Variants in MFAP5 observed in about 807,000 individuals in gnomAD.
The protein encoded by MFAP5 is microfibril associated protein 5, also known as microfibrillar-associated protein 5.
A neutral mutation model predicts 30.1 loss-of-function variants in MFAP5; 19 were observed. That is an observed-to-expected ratio of 0.63 (90% CI 0.44 to 0.93). The LOEUF is 0.93. Among genes scored for constraint, MFAP5 ranks in the 40% least tolerant of loss-of-function variants. The pLI, the probability that MFAP5 is intolerant of heterozygous loss-of-function variation, is 0.00. For synonymous variants in MFAP5, 92 were observed against 72.9 expected (o/e 1.26, Z -1.33); for missense variants, 210 against 221.3 (o/e 0.95, Z 0.32).
chr12:8,656,649 C>CACATAT (rs1265607160), intron 3 of MFAP5, among the ~76,000 whole-genome samples: 57 of 109,064 alleles, frequency 5.2e-4, no homozygotes, highest in African/African-American at 2.5e-4. Flanking sequence ...CACACACACA[C>CACATAT]ATATATATAT....
intron 9 of MFAP5, 142 bp downstream of exon 9, chr12:8,649,359 A>G: frequency 1.5e-6 from 1 of 672,548 alleles, no homozygotes. Flanking sequence ...ATTTGAGATA[A>G]CTTCCAGCAG....
chr12:8,649,162 A>G (rs1941762727), intron 9 of MFAP5, among the ~76,000 whole-genome samples: 2 of 152,184 alleles, frequency 1.3e-5, no homozygotes, highest in Non-Finnish European at 2.9e-5. Flanking sequence ...AGAGTCTATT[A>G]TCTGTAATGG....
intron 1 of MFAP5, chr12:8,662,356 A>T (rs1942177890): frequency 2.1e-6 from 1 of 485,998 alleles, no homozygotes; most frequent in Admixed American, 3.7e-5. Context: ...AGTCAGAGGA[A>T]ATTTTACATT....
intron 6 of MFAP5, among the ~76,000 whole-genome samples, chr12:8,653,511 C>T (rs1372710881): frequency 6.6e-6 from 1 of 152,110 alleles, no homozygotes; most frequent in Non-Finnish European, 1.5e-5. Context: ...CACCCTACAC[C>T]TTTTGATTTA....
Position 8,650,521 on chromosome 12 carries a change from G to T in MFAP5, c.316C>A (p.His106Asn), listed in dbSNP as rs1941806685. 3 of 1,614,076 alleles carry T rather than the reference G, an allele frequency of 1.9e-6. No homozygotes were observed. The highest frequency in any genetic ancestry group is 1.3e-5 in the African/African-American group (1 of 75,022). ...SVHRPVKQCI[H>N]QLCFTSLRRM... is the part of the protein sequence containing the mutation. Reference sequence around the variant, plus strand: ...CCTTACCTGGTGAAGCATAACTGATGAATGCATTGTTTAACCGGCCGATGC... The same window carrying T: ...CCTTACCTGGTGAAGCATAACTGATTAATGCATTGTTTAACCGGCCGATGC... The change falls in exon 8 of 10, where the codon CAT becomes AAT. Residue 106 changes from histidine to asparagine, a missense_variant. By Grantham distance (68) the His-to-Asn change is moderately conservative. Transcript: ENST00000359478.
chr12:8,658,992 C>CTTTT (rs71045203), intron 3 of MFAP5, among the ~76,000 whole-genome samples: 7,557 of 123,558 alleles, frequency 0.061, 292 homozygotes, highest in Non-Finnish European at 0.081. Flanking sequence ...CCACACCTGG[C>CTTTT]TTTTTTTTTT....
At position 8,654,438 on chromosome 12, in the gene MFAP5, C is replaced by A; in HGVS notation, c.216G>T (p.Leu72Phe). 1 of 1,600,418 alleles carries A rather than the reference C, an allele frequency of 6.2e-7. No homozygotes were observed. The change falls in exon 6 of 10, where the codon TTG becomes TTT. Residue 72 changes from leucine (L) to phenylalanine (F), a missense_variant and splice_region_variant. Coordinates refer to ENST00000359478, the MANE Select transcript of MFAP5 (RefSeq NM_003480.4). ...TGGGGGTCCCAGATCTGAACTCACC[C>A]AAGTCATCTGTGGAAGGTGCAATAT... is the stretch of plus-strand genomic sequence containing the variant. ...LADIAPSTDD[L>F]ASLSEKNTTA... is the part of the protein sequence containing the mutation.
At position 8,657,093 on chromosome 12, in the gene MFAP5, A is replaced by C. The variant is rs761656736; in HGVS notation, c.95-1263T>G. Among the ~76,000 whole-genome samples the C allele has an allele frequency of 2.0e-5, 3 of 152,364 alleles. No individual in the cohort carries two copies. The South Asian group carries it at 6.2e-4, about 32-fold the overall frequency. ...TTTGCTTGACTGTAGTAACCATTTCACTTTATACACATCTATCAAAATGTC... is the reference window on the plus strand; with the variant it reads ...TTTGCTTGACTGTAGTAACCATTTCCCTTTATACACATCTATCAAAATGTC... On this transcript the variant is annotated intron_variant, in intron 3 of 9. Transcript: ENST00000359478.
In MFAP5 at chr12:8,648,061, C is replaced by T. The variant is rs776701699; in HGVS notation, c.*30G>A. 8 of 1,533,014 alleles carry T rather than the reference C, an allele frequency of 5.2e-6. No homozygotes were observed. The highest frequency in any genetic ancestry group is 2.3e-5 in the East Asian group (1 of 44,396). The allele number at this position is 1,533,014 out of a possible 1,614,324, so 95.0% of individuals were successfully genotyped here. A position where few individuals can be genotyped will look rare whatever the true frequency, so the allele number is the denominator to read the frequency against. ...GAGATCCTCCTTCCTCTCACCCATA[C>T]ATTTTTTCTTCTTTCCTCTTTTTCA... On this transcript the variant is annotated 3_prime_UTR_variant, in exon 10 of 10. Transcript: ENST00000359478.
intron 3 of MFAP5, among the ~76,000 whole-genome samples, chr12:8,656,799 C>CT: frequency 6.6e-6 from 1 of 151,718 alleles, no homozygotes; most frequent in Admixed American, 6.6e-5. Flanking sequence ...TCCAGAGTAG[C>CT]TGGGATTACA....
chr12:8,650,409 G>C, intron 8 of MFAP5, 93 bp downstream of exon 8: 1 of 1,305,494 alleles, frequency 7.7e-7, no homozygotes, highest in African/African-American at 1.5e-5. Context: ...CCCCATCAAA[G>C]TTTGCAATTC....
At chr12:8,655,386 ATTT>A in intron 5 of MFAP5, 26 bp downstream of exon 5, 1 of 1,317,366 alleles carries the variant, frequency 7.6e-7, no homozygotes, top group Non-Finnish European at 1.0e-6. Flanking sequence ...GAACCATGCC[ATTT>A]TTTTTTTAAC....
At chr12:8,652,132 A>T (rs1941854412) in intron 6 of MFAP5, among the ~76,000 whole-genome samples, 1 of 152,170 alleles carries the variant, frequency 6.6e-6, no homozygotes, top group Non-Finnish European at 1.5e-5. Context: ...TTCTCTTGAT[A>T]GAAGCTGTTG....
In MFAP5 at chr12:8,659,496, A is replaced by G. The variant is rs185700494; in HGVS notation, c.94+1367T>C. 1.5e-3 allele frequency among the ~76,000 whole-genome samples: 226 copies of G among 152,210 alleles called. 1 individual carries two copies. Among genetic ancestry groups the G allele is most frequent in the African/African-American group, 5.4e-3 (223 of 41,514 alleles). The stretch of plus-strand genomic sequence containing the variant: ...CGAGAAAAGCATCTAAAGTCTTAAC[A>G]CAGGACTGGTTCCTAATCAGCCCAG... On this transcript the variant is annotated intron_variant, in intron 3 of 9. Coordinates refer to ENST00000359478, the MANE Select transcript of MFAP5 (RefSeq NM_003480.4).
chr12:8,656,842 AT>A (rs1217867902), intron 3 of MFAP5, among the ~76,000 whole-genome samples: 2 of 151,680 alleles, frequency 1.3e-5, no homozygotes, highest in Non-Finnish European at 2.9e-5. Context: ...TAATTTCTGT[AT>A]TTTTAGTAGA....
At position 8,662,031 on chromosome 12, in the gene MFAP5, A is replaced by G; in HGVS notation, c.58+16T>C. 1 of 1,612,942 alleles carries G rather than the reference A, an allele frequency of 6.2e-7. No individual in the cohort carries two copies. The highest frequency in any genetic ancestry group is 8.5e-7 in the Non-Finnish European group (1 of 1,179,366). ...GAGGAGCTGAGGGTTTAGGGAGCAA[A>G]GAATAAAGGACTCACCAGAGGTGAT... On this transcript the variant is annotated intron_variant, in intron 2 of 9. Transcript: ENST00000359478.
intron 6 of MFAP5, 167 bp downstream of exon 6, chr12:8,654,270 G>T: frequency 1.7e-6 from 1 of 602,120 alleles, no homozygotes; most frequent in East Asian, 2.9e-5. Flanking sequence ...TGTTTGTCAG[G>T]TGTTCAACAA....
Position 8,653,958 on chromosome 12 carries a change from C to T in MFAP5, c.217+479G>A, listed in dbSNP as rs138140814. Among the ~76,000 whole-genome samples the T allele has an allele frequency of 1.1e-3, 160 of 152,180 alleles. 1 individual carries two copies. The highest frequency in any genetic ancestry group is 7.2e-3 in the East Asian group (37 of 5,168). ...TGGCCAACGTGGCGAAACCCCATCT[C>T]TACTAAAACTACAAAAAATTAGCCA... On this transcript the variant is annotated intron_variant, in intron 6 of 9. Coordinates refer to ENST00000359478, the MANE Select transcript of MFAP5 (RefSeq NM_003480.4).
At chr12:8,653,190 G>A (rs757415481) in intron 6 of MFAP5, among the ~76,000 whole-genome samples, 1 of 139,216 alleles carries the variant, frequency 7.2e-6, no homozygotes, top group Admixed American at 7.4e-5. Context: ...AAGACTCTGT[G>A]TCAAAAAAAA....
Sources: gnomAD v4.1 joint callset for allele counts (sites outside exome capture counted in the v4.1 genomes callset) on GRCh38, gnomAD v4.1.1 for gene constraint, MANE v1.5 for transcripts, NCBI Gene and HGNC (gene_info 2026-07-23, HGNC 2026-07-21) for gene names.